The following MYO5C variants were observed in gnomAD, a reference collection of about 807,000 sequenced individuals.
The protein encoded by MYO5C is unconventional myosin-Vc.
Under a neutral mutation model 235.7 loss-of-function variants are expected in MYO5C, and 194 were observed. That is an observed-to-expected ratio of 0.82 (90% confidence interval 0.73 to 0.93). MYO5C has a LOEUF of 0.93. MYO5C is among the 40% of genes least tolerant of loss of function. MYO5C has a pLI of 0.00. For synonymous variants in MYO5C, 707 were observed against 754.8 expected (o/e 0.94, Z 1.04); for missense variants, 2,038 against 2,127.2 (o/e 0.96, Z 0.82).
Position 52,275,654 on chromosome 15 carries a change from G to T in MYO5C, c.514C>A (p.Arg172Ser), listed in dbSNP as rs55686434. The T allele has an allele frequency of 1.2e-6, 2 of 1,614,006 alleles. No homozygotes were observed. Among genetic ancestry groups the T allele is most frequent in the African/African-American group, 1.3e-5 (1 of 74,912 alleles). ...GTGGCAAAGTACCTCATGGCATAGC[G>T]AGCCGACACTGTCTTTCCAGCACCT... is the stretch of plus-strand genomic sequence containing the variant. ...ESGAGKTVSA[R>S]YAMRYFATVS... Residue 172 changes from arginine (R) to serine (S), a missense_variant, in exon 5 of 41, where the codon CGC (arginine) becomes AGC (serine). Coordinates refer to ENST00000261839, the MANE Select transcript of MYO5C (RefSeq NM_018728.4).
chr15:52,259,224 T>A (rs2036640671), intron 10 of MYO5C, among the ~76,000 whole-genome samples: 1 of 152,008 alleles, frequency 6.6e-6, no homozygotes, highest in South Asian at 2.1e-4. Context: ...ATCGAGACCA[T>A]CCTGGCTAAT....
Position 52,211,636 on chromosome 15 carries a change from AC to A in MYO5C, c.4296+93del, listed in dbSNP as rs2035442555. The stretch of plus-strand genomic sequence containing the variant: ...ACTTGTTTGAGGAATCATGTGGCTC[AC>A]CACACAATGGAGGCTCAGGATGGGC... On this transcript the variant is annotated intron_variant, in intron 35 of 40. Transcript: ENST00000261839. The A allele has an allele frequency of 8.1e-6, 11 of 1,357,288 alleles. No homozygotes were observed. In the South Asian group the frequency reaches 1.5e-4, roughly 19 times the overall value. 84.1% of individuals were successfully genotyped at this position (1,357,288 alleles called of 1,614,324 possible). A position where few individuals can be genotyped will look rare whatever the true frequency, so the allele number is the denominator to read the frequency against.
intron 8 of MYO5C, 87 bp downstream of exon 8, chr15:52,269,666 C>T (rs2036878505): frequency 2.4e-6 from 2 of 830,194 alleles, no homozygotes; most frequent in Admixed American, 4.3e-5. Flanking sequence ...GTTGGGATTA[C>T]AGGTGTGAGC....
intron 24 of MYO5C, among the ~76,000 whole-genome samples, chr15:52,231,407 C>G (rs1264532333): frequency 1.3e-5 from 2 of 152,198 alleles, no homozygotes; most frequent in African/African-American, 4.8e-5. Context: ...CTCAGCCTGG[C>G]TCTCCAAGAC....
rs1204304595 is a variant in MYO5C at position 52,295,706 on chromosome 15, A to G, written c.-70T>C. The G allele has an allele frequency of 8.7e-6, 10 of 1,154,070 alleles. No individual in the cohort carries two copies. The highest frequency in any genetic ancestry group is 1.1e-5 in the Non-Finnish European group (10 of 876,112). 71.5% of individuals were successfully genotyped at this position (1,154,070 alleles called of 1,614,324 possible). ...GGCTCGGGGGCTGGGCCTGCGCCGC[A>G]GAGGCCGGGCGCAGGAGAGACCGCC... is the stretch of plus-strand genomic sequence containing the variant. On this transcript the variant is annotated 5_prime_UTR_variant, in exon 1 of 41. Transcript: ENST00000261839.
rs771434429 is a variant in MYO5C, at chr15:52,271,830, T to C, written c.765A>G (p.Arg255=). 23 of 1,589,314 alleles carry C rather than the reference T, an allele frequency of 1.4e-5. No homozygotes were observed. The East Asian group carries it at 5.2e-4, about 36-fold the overall frequency. The change falls in exon 7 of 41, where the codon CGA becomes CGG. Residue 255 remains arginine (R), a synonymous_variant. Transcript: ENST00000261839. Reference sequence around the variant, plus strand: ...AAAGCTGATAGAAAATGTGGTAATTTCGTTCATTTTCCGACTGTAAGATAA... The same window carrying C: ...AAAGCTGATAGAAAATGTGGTAATTCCGTTCATTTTCCGACTGTAAGATAA... ...SRVVFQSENE[R]NYHIFYQLCA...
chr15:52,286,315 TG>T (rs1164734278), intron 1 of MYO5C, among the ~76,000 whole-genome samples: 88 of 125,558 alleles, frequency 7.0e-4, no homozygotes, highest in Admixed American at 1.2e-3. Flanking sequence ...GGGAGGGAGG[TG>T]GGGGGGGTCA....
At position 52,221,193 on chromosome 15, in the gene MYO5C, G is replaced by A; in HGVS notation, c.3690C>T (p.Ile1230=). 1 of 1,613,208 alleles carries A rather than the reference G, an allele frequency of 6.2e-7. No homozygotes were observed. The highest frequency in any genetic ancestry group is 1.1e-5 in the South Asian group (1 of 90,890). ...ELEKQKQDLE[I]RLNEQAEKMK... ...TTTTCTCAGCTTGTTCATTCAGGCG[G>A]ATTTCAAGATCTTGCTTCTGTTTCT... Residue 1230 remains isoleucine (I), a synonymous_variant, in exon 30 of 41, where the codon ATC becomes ATT. Transcript: ENST00000261839.
intron 23 of MYO5C, among the ~76,000 whole-genome samples, chr15:52,234,273 A>G (rs951603370): frequency 1.3e-5 from 2 of 152,258 alleles, no homozygotes; most frequent in Admixed American, 1.3e-4. Flanking sequence ...GCATAGGTAA[A>G]GGTTGGTGCT....
intron 26 of MYO5C, 62 bp downstream of exon 26, chr15:52,225,377 G>A: frequency 7.4e-7 from 1 of 1,348,944 alleles, no homozygotes; most frequent in Non-Finnish European, 1.1e-6. Flanking sequence ...TTCCTTAGCA[G>A]CGACACAGCT....
chr15:52,198,584 GTTTT>G (rs974832413), intron 38 of MYO5C, among the ~76,000 whole-genome samples: 6 of 151,800 alleles, frequency 4.0e-5, no homozygotes, highest in African/African-American at 9.7e-5. Flanking sequence ...CTTTTTGTTT[GTTTT>G]TTTGTTTGTT....
chr15:52,272,451 T>G, intron 6 of MYO5C, 129 bp downstream of exon 6: 1 of 869,046 alleles, frequency 1.2e-6, no homozygotes, highest in South Asian at 2.1e-5. Context: ...GAATCCAAAC[T>G]GCAAATGAAA....
intron 8 of MYO5C, among the ~76,000 whole-genome samples, chr15:52,264,673 G>A (rs62015968): frequency 6.6e-6 from 1 of 152,070 alleles, no homozygotes; most frequent in African/African-American, 2.4e-5. Context: ...TATTTTTTAG[G>A]TGGGATTGCT....
Position 52,295,611 on chromosome 15 carries a change from T to G in MYO5C, c.26A>C (p.Gln9Pro). MAVAELYT[Q>P]YNRVWIPDPE... ...CAGGAGCCCAGCGGACCCTCCTACCTGCGTGTACAGCTCGGCCACCGCCAT... is the reference window on the plus strand; with the variant it reads ...CAGGAGCCCAGCGGACCCTCCTACCGGCGTGTACAGCTCGGCCACCGCCAT... Residue 9 changes from glutamine to proline, a missense_variant and splice_region_variant, in exon 1 of 41, where the codon CAG (glutamine) becomes CCG (proline). Gln to Pro is a moderately conservative substitution (Grantham distance 76). Transcript: ENST00000261839. 1 of 1,492,938 alleles carries G rather than the reference T, an allele frequency of 6.7e-7. No homozygotes were observed. The allele number at this position is 1,492,938 out of a possible 1,614,324, so 92.5% of individuals were successfully genotyped here.
rs149334227 is a variant in MYO5C, at chr15:52,197,412, T to C, written c.4821-929A>G. On this transcript the variant is annotated intron_variant, in intron 38 of 40. Transcript: ENST00000261839. ...AGATAACATTTTATGATTTCATTTA[T>C]TTTTAAATGTCCAGAATAGGCAAAA... 2.8e-3 allele frequency among the ~76,000 whole-genome samples: 429 copies of C among 152,336 alleles called. 1 individual carries two copies. Among genetic ancestry groups the C allele is most frequent in the African/African-American group, 1.0e-2 (415 of 41,570 alleles).
At position 52,237,438 on chromosome 15, in the gene MYO5C, A is replaced by G. The variant is rs376103611; in HGVS notation, c.2868+44T>C. 4.4e-6 allele frequency: 7 copies of G among 1,577,958 alleles called. No homozygotes were observed. The African/African-American group carries it at 5.4e-5, about 12-fold the overall frequency. ...CTGGCAGCGCTCATCTTTTTCACAG[A>G]GAGTCCGCATATTTCCATCCCGTCT... On this transcript the variant is annotated intron_variant, in intron 22 of 40. Transcript: ENST00000261839.
intron 7 of MYO5C, among the ~76,000 whole-genome samples, chr15:52,271,333 A>G (rs1214357625): frequency 1.3e-5 from 2 of 151,984 alleles, no homozygotes; most frequent in Non-Finnish European, 2.9e-5. Context: ...GGTTCAAGCA[A>G]TTCTTCTGCC....
At chr15:52,230,366 G>A (rs12148073) in intron 24 of MYO5C, among the ~76,000 whole-genome samples, 102,142 of 151,926 alleles carry the variant, frequency 0.67, 38,099 homozygotes, top group Non-Finnish European at 0.84. Context: ...CTGAGAAAGA[G>A]AGCCACATTC....
At chr15:52,250,485 C>T (rs997781226) in intron 13 of MYO5C, among the ~76,000 whole-genome samples, 1 of 152,092 alleles carries the variant, frequency 6.6e-6, no homozygotes, top group African/African-American at 2.4e-5. Context: ...CTCAAGCGAT[C>T]CACCCGCCTC....
Sources: gnomAD v4.1 joint callset for allele counts (sites outside exome capture counted in the v4.1 genomes callset) on GRCh38, gnomAD v4.1.1 for gene constraint, MANE v1.5 for transcripts, NCBI Gene and HGNC (gene_info 2026-07-23, HGNC 2026-07-21) for gene names.